EBF3: variants seen among roughly 807,000 people sequenced by gnomAD.
The protein encoded by EBF3 is EBF transcription factor 3.
In EBF3, 18 loss-of-function variants were observed where a neutral mutation model predicts 77.1. The ratio of observed to expected loss-of-function variants is 0.23; its 90% confidence interval spans 0.16 to 0.35. EBF3 has a LOEUF of 0.35. EBF3 is among the 10% of genes least tolerant of loss of function. EBF3 has a pLI of 1.00. For missense variants in EBF3, 558 were observed against 860.0 expected (o/e 0.65, Z 4.39); for synonymous variants, 350 against 343.5 (o/e 1.02, Z -0.21).
At chr10:129,862,112 C>T (rs1269986239) in intron 10 of EBF3, among the ~76,000 whole-genome samples, 1 of 152,144 alleles carries the variant, frequency 6.6e-6, no homozygotes, top group African/African-American at 2.4e-5. Context: ...GACACAGCGT[C>T]GCCCCTTGAC....
chr10:129,837,756 T>C lies in EBF3; in HGVS notation c.*187A>G, dbSNP rs1293189842. 4.4e-6 allele frequency: 3 copies of C among 677,176 alleles called. No individual in the cohort carries two copies. Among genetic ancestry groups the C allele is most frequent in the African/African-American group, 3.6e-5 (2 of 55,042 alleles). The allele number at this position is 677,176 out of a possible 1,614,324, so 41.9% of individuals were successfully genotyped here. ...TTCATGAAGAAGTAGGCTGTTTGCA[T>C]GTTGATTCTTAATAGTTTAAATAAA... On this transcript the variant is annotated 3_prime_UTR_variant, in exon 17 of 17. Coordinates refer to ENST00000440978, the MANE Select transcript of EBF3 (RefSeq NM_001375380.1).
At chr10:129,957,674 C>T (rs1250882521) in intron 5 of EBF3, among the ~76,000 whole-genome samples, 1 of 152,176 alleles carries the variant, frequency 6.6e-6, no homozygotes, top group African/African-American at 2.4e-5. Context: ...TTCACAGCTT[C>T]GGCTTTTGTT....
At chr10:129,891,114 C>T (rs1026083111) in intron 6 of EBF3, among the ~76,000 whole-genome samples, 1 of 152,090 alleles carries the variant, frequency 6.6e-6, no homozygotes, top group Non-Finnish European at 1.5e-5. Flanking sequence ...TGGAAATCAC[C>T]TTTTGAATGT....
At chr10:129,939,141 C>A (rs775494282) in intron 6 of EBF3, among the ~76,000 whole-genome samples, 53 of 152,208 alleles carry the variant, frequency 3.5e-4, no homozygotes, top group Admixed American at 3.9e-4. Flanking sequence ...GTGGCACACA[C>A]AGCCTTCAAC....
chr10:129,878,112 T>C (rs910308671), intron 6 of EBF3, among the ~76,000 whole-genome samples: 2 of 152,174 alleles, frequency 1.3e-5, no homozygotes, highest in Non-Finnish European at 2.9e-5. Flanking sequence ...GACTTTCGCA[T>C]TGGCATTTCT....
At chr10:129,945,886 A>C (rs1858176627) in intron 6 of EBF3, among the ~76,000 whole-genome samples, 1 of 152,204 alleles carries the variant, frequency 6.6e-6, no homozygotes, top group Admixed American at 6.5e-5. Context: ...TACAAGGAGA[A>C]GGGAACAGTT....
At chr10:129,880,131 C>G (rs1853088850) in intron 6 of EBF3, among the ~76,000 whole-genome samples, 1 of 152,206 alleles carries the variant, frequency 6.6e-6, no homozygotes, top group African/African-American at 2.4e-5. Context: ...CTAGCCCTCA[C>G]TCGGCACTGT....
At chr10:129,950,408 G>A (rs530290705) in intron 6 of EBF3, among the ~76,000 whole-genome samples, 4 of 152,212 alleles carry the variant, frequency 2.6e-5, no homozygotes, top group African/African-American at 9.6e-5. Flanking sequence ...GTTTTTAAGG[G>A]GAAGGGGAAA....
chr10:129,913,484 A>G (rs1326872096), intron 6 of EBF3, among the ~76,000 whole-genome samples: 2 of 152,212 alleles, frequency 1.3e-5, no homozygotes, highest in African/African-American at 2.4e-5. Context: ...CTGAAACCAT[A>G]TGTGGGCCTG....
rs1043112296 is a variant in EBF3 at position 129,879,050 on chromosome 10, A to T, written c.555-1201T>A. ...TCAGGGGTCCTGACAGTGTGTTGAG[A>T]TGCTGTGACTAAAACGTCATCATGT... On this transcript the variant is annotated intron_variant, in intron 6 of 16. Transcript: ENST00000440978. The surrounding 1 kb of genome is among the most constrained non-coding windows in gnomAD (Gnocchi z 4.7). 2.0e-5 allele frequency among the ~76,000 whole-genome samples: 3 copies of T among 152,050 alleles called. No individual in the cohort carries two copies. Among genetic ancestry groups the T allele is most frequent in the Non-Finnish European group, 2.9e-5 (2 of 68,018 alleles).
At chr10:129,895,601 G>A (rs753487010) in intron 6 of EBF3, among the ~76,000 whole-genome samples, 2 of 152,196 alleles carry the variant, frequency 1.3e-5, no homozygotes, top group Non-Finnish European at 2.9e-5. Context: ...CTCAAAATTC[G>A]ACAATCAAAT....
chr10:129,843,601 C>A (rs1850247617), intron 11 of EBF3, among the ~76,000 whole-genome samples: 1 of 152,210 alleles, frequency 6.6e-6, no homozygotes, highest in Non-Finnish European at 1.5e-5. Context: ...TAATTCCTAG[C>A]ACTTTAGTGG....
chr10:129,852,687 C>A (rs1343120361), intron 10 of EBF3, among the ~76,000 whole-genome samples: 1 of 152,196 alleles, frequency 6.6e-6, no homozygotes, highest in Non-Finnish European at 1.5e-5. Context: ...GGGACACGTT[C>A]AGTACTTCTG....
At chr10:129,876,885 ACCCCCCCCCC>A (rs10573399) in intron 7 of EBF3, among the ~76,000 whole-genome samples, 2 of 42,368 alleles carry the variant, frequency 4.7e-5, no homozygotes, top group African/African-American at 8.2e-5. Context: ...TCATCCCTGA[ACCCCCCCCCC>A]CCCCCCACCC....
chr10:129,858,233 GTT>G (rs1851389027), intron 10 of EBF3, among the ~76,000 whole-genome samples: 1 of 152,168 alleles, frequency 6.6e-6, no homozygotes. Flanking sequence ...CCGGTGACAC[GTT>G]TCTCTCCCTT....
chr10:129,960,225 G>A (rs925923429), intron 4 of EBF3, among the ~76,000 whole-genome samples: 10 of 144,836 alleles, frequency 6.9e-5, no homozygotes, highest in African/African-American at 2.6e-4. Flanking sequence ...TCCGGTTCCC[G>A]CCCCCACCCC....
intron 6 of EBF3, among the ~76,000 whole-genome samples, chr10:129,895,249 A>G (rs1854287754): frequency 6.6e-6 from 1 of 152,242 alleles, no homozygotes; most frequent in Non-Finnish European, 1.5e-5. Context: ...GAGTTTGGGA[A>G]GCCACCTGGC....
rs545721991 is a variant in EBF3, at chr10:129,860,933, A to G, written c.1039+6208T>C. On this transcript the variant is annotated intron_variant, in intron 10 of 16. Transcript: ENST00000440978. ...TATGAGGTATAGTTCATTTTAAGCA[A>G]TTCTAGTAAATGGGTGTCACTGATT... Among the ~76,000 whole-genome samples, 153 of 152,332 alleles carry G rather than the reference A, an allele frequency of 1.0e-3. 2 individuals are homozygous for G. The highest frequency in any genetic ancestry group is 1.8e-3 in the Non-Finnish European group (120 of 68,036).
chr10:129,846,916 C>G (rs76958278), intron 11 of EBF3, among the ~76,000 whole-genome samples: 2,020 of 152,160 alleles, frequency 0.013, 51 homozygotes, highest in African/African-American at 0.046. Context: ...CTTCTGTCCC[C>G]CGGGGAGGCA....
Sources: gnomAD v4.1 joint callset for allele counts (sites outside exome capture counted in the v4.1 genomes callset) on GRCh38, gnomAD v4.1.1 for gene constraint, Gnocchi (gnomAD v3.1) non-coding constraint, MANE v1.5 for transcripts, NCBI Gene and HGNC (gene_info 2026-07-23, HGNC 2026-07-21) for gene names.